Variants in CHIC1 observed in about 807,000 individuals in gnomAD.
CHIC1 encodes the protein cysteine-rich hydrophobic domain-containing protein 1.
CHIC1 carries 7 observed loss-of-function variants against 18.5 expected under a neutral mutation model. The ratio of observed to expected loss-of-function variants is 0.38; its 90% CI spans 0.22 to 0.71. The LOEUF is 0.71. Among genes scored for constraint, CHIC1 ranks in the 30% least tolerant of loss-of-function variants. The probability of loss-of-function intolerance (pLI) is 0.49; values close to 1 mark genes in which losing one functional copy is unlikely to be tolerated. For synonymous variants in CHIC1, 77 were observed against 73.5 expected, an observed-to-expected ratio of 1.05 and a Z score of -0.25; for missense variants, 159 against 176.9, an observed-to-expected ratio of 0.90 and a Z score of 0.57.
intron 3 of CHIC1, among the ~76,000 whole-genome samples, chrX:73,596,749 A>G (rs1186784665): frequency 1.8e-5 from 2 of 111,461 alleles, no homozygotes; most frequent in East Asian, 2.8e-4. Flanking sequence ...CTGATCTTTG[A>G]CAAACTTGCC....
chrX:73,659,464 A>G (rs758925112), intron 3 of CHIC1, among the ~76,000 whole-genome samples: 1 of 100,284 alleles, frequency 1.0e-5, no homozygotes, highest in East Asian at 3.1e-4. Context: ...TTTGTGTCCG[A>G]CCTGGGACAG....
intron 2 of CHIC1, among the ~76,000 whole-genome samples, chrX:73,582,324 A>G (rs1413421426): frequency 9.0e-6 from 1 of 110,793 alleles, no homozygotes; most frequent in African/African-American, 3.3e-5. Flanking sequence ...AAAGCTAAAT[A>G]TGTTCATATT....
chrX:73,663,785 C>T (rs1368189676), intron 3 of CHIC1, among the ~76,000 whole-genome samples: 1 of 111,316 alleles, frequency 9.0e-6, no homozygotes, highest in Non-Finnish European at 1.9e-5. Flanking sequence ...TTTCCCTGGG[C>T]ATTGGGGACC....
intron 3 of CHIC1, among the ~76,000 whole-genome samples, chrX:73,616,436 A>T (rs1365234584): frequency 9.0e-6 from 1 of 111,667 alleles, no homozygotes; most frequent in Non-Finnish European, 1.9e-5. Flanking sequence ...TCTACCACTC[A>T]GGTGTCTGGA....
At chrX:73,633,727 AT>A (rs985728480) in intron 3 of CHIC1, among the ~76,000 whole-genome samples, 99 of 106,338 alleles carry the variant, frequency 9.3e-4, no homozygotes, top group Admixed American at 4.0e-3. Flanking sequence ...ACTCATTCTC[AT>A]TTTTTTTTCT....
intron 3 of CHIC1, among the ~76,000 whole-genome samples, chrX:73,654,950 G>T (rs972193259): frequency 9.0e-6 from 1 of 110,656 alleles, no homozygotes; most frequent in Non-Finnish European, 1.9e-5. Flanking sequence ...ATGCAGGTTT[G>T]TTACATAGGT....
At chrX:73,670,602 A>G (rs1284114106) in intron 3 of CHIC1, among the ~76,000 whole-genome samples, 1 of 106,703 alleles carries the variant, frequency 9.4e-6, no homozygotes, top group African/African-American at 3.6e-5. Context: ...CTATTCTTAT[A>G]TTTCTTTCTA....
intron 3 of CHIC1, among the ~76,000 whole-genome samples, chrX:73,665,325 A>G (rs1362248185): frequency 3.6e-5 from 4 of 110,943 alleles, no homozygotes. Flanking sequence ...ACTAAAGCCC[A>G]TACTGTTAGA....
intron 3 of CHIC1, among the ~76,000 whole-genome samples, chrX:73,587,384 TTCTA>T (rs773720273): frequency 8.9e-5 from 10 of 111,797 alleles, no homozygotes; most frequent in Non-Finnish European, 1.9e-4. Context: ...TTACTTGTTC[TTCTA>T]TCTACCACTG....
intron 2 of CHIC1, 66 bp downstream of exon 2, chrX:73,577,527 T>C: frequency 2.4e-6 from 2 of 826,987 alleles, no homozygotes; most frequent in Non-Finnish European, 3.6e-6. Context: ...CTCATTGTTA[T>C]GACAAATGCT....
intron 3 of CHIC1, among the ~76,000 whole-genome samples, chrX:73,643,531 A>T (rs1448345110): frequency 9.0e-6 from 1 of 111,484 alleles, no homozygotes; most frequent in Non-Finnish European, 1.9e-5. Flanking sequence ...TGGTCTTTTC[A>T]CATAGTCCCA....
intron 3 of CHIC1, among the ~76,000 whole-genome samples, chrX:73,655,571 G>C (rs1206050025): frequency 1.2e-5 from 1 of 85,169 alleles, no homozygotes; most frequent in Non-Finnish European, 2.2e-5. Context: ...TATATAGTGT[G>C]TGCATATATA....
chrX:73,610,509 G>A (rs187658339), intron 3 of CHIC1, among the ~76,000 whole-genome samples: 45 of 107,322 alleles, frequency 4.2e-4, no homozygotes, highest in Admixed American at 3.1e-3. Context: ...AGCTGTTCCC[G>A]TTTGGCCATC....
At chrX:73,611,377 C>A (rs1281573405) in intron 3 of CHIC1, among the ~76,000 whole-genome samples, 3 of 108,691 alleles carry the variant, frequency 2.8e-5, no homozygotes, top group Admixed American at 1.9e-4. Context: ...GCATAGTATT[C>A]CATAGTGTAT....
rs191775605 is a variant in CHIC1 at position 73,662,084 on chromosome X, T to C, written c.508-17242T>C. 4.7e-5 allele frequency among the ~76,000 whole-genome samples: 5 copies of C among 106,270 alleles called. No homozygotes were observed. The Admixed American group carries it at 5.0e-4, about 11-fold the overall frequency. 92.3% of individuals were successfully genotyped at this position (106,270 alleles called of 115,157 possible). On this transcript the variant is annotated intron_variant, in intron 3 of 5. Coordinates refer to ENST00000373502, the MANE Select transcript of CHIC1 (RefSeq NM_001039840.4). ...TAAATAAATAAATAAAAATAAATAATAAAAAAAAAGAAGTATGAGATAAGA... is the reference window on the plus strand; with the variant it reads ...TAAATAAATAAATAAAAATAAATAACAAAAAAAAAGAAGTATGAGATAAGA...
chrX:73,629,250 T>G (rs1205204142), intron 3 of CHIC1, among the ~76,000 whole-genome samples: 2 of 111,575 alleles, frequency 1.8e-5, no homozygotes, highest in African/African-American at 6.5e-5. Context: ...GTTCTCACAT[T>G]CCATAGATTG....
chrX:73,563,614 C>T, intron 1 of CHIC1, 34 bp downstream of exon 1: 1 of 1,039,980 alleles, frequency 9.6e-7, no homozygotes, highest in Non-Finnish European at 1.2e-6. Context: ...CTTGAAATGC[C>T]TGAGATTTGG....
chrX:73,675,325 T>C (rs1004325946), intron 3 of CHIC1, among the ~76,000 whole-genome samples: 1 of 111,402 alleles, frequency 9.0e-6, no homozygotes, highest in African/African-American at 3.3e-5. Flanking sequence ...AATGTTGACA[T>C]TGGGGTGTTA....
At chrX:73,638,270 C>A (rs2057839713) in intron 3 of CHIC1, among the ~76,000 whole-genome samples, 1 of 111,669 alleles carries the variant, frequency 9.0e-6, no homozygotes, top group Non-Finnish European at 1.9e-5. Context: ...CAGTGTTTAT[C>A]AGGAGTGCCT....
Sources: gnomAD v4.1 joint callset for allele counts (sites outside exome capture counted in the v4.1 genomes callset) on GRCh38, gnomAD v4.1.1 for gene constraint, MANE v1.5 for transcripts, NCBI Gene and HGNC (gene_info 2026-07-23, HGNC 2026-07-21) for gene names.